Variants in MYH11 observed in about 807,000 individuals in gnomAD.
The protein encoded by MYH11 is myosin-11.
In MYH11, 80 loss-of-function variants were observed where a neutral mutation model predicts 246.6. That is an observed-to-expected ratio of 0.32 (90% CI 0.27 to 0.39). The LOEUF is 0.39. Among genes scored for constraint, MYH11 ranks in the 10% least tolerant of loss-of-function variants. The pLI is 1.00. For synonymous variants in MYH11, 1,071 were observed against 1,015.5 expected, an observed-to-expected ratio of 1.05 and a Z score of -1.04; for missense variants, 2,158 against 2,546.8, an observed-to-expected ratio of 0.85 and a Z score of 3.29.
intron 3 of MYH11, among the ~76,000 whole-genome samples, chr16:15,814,884 C>T (rs1169794897): frequency 6.6e-6 from 1 of 151,974 alleles, no homozygotes; most frequent in African/African-American, 2.4e-5. Flanking sequence ...CCTGGGGGGA[C>T]ACCAGGAACC....
intron 31 of MYH11, among the ~76,000 whole-genome samples, chr16:15,723,595 G>A (rs2040594957): frequency 6.6e-6 from 1 of 152,150 alleles, no homozygotes; most frequent in Non-Finnish European, 1.5e-5. Flanking sequence ...GCGGGGAGCT[G>A]AGATCACACC....
In MYH11 at chr16:15,764,401, T is replaced by C. The variant is rs191995045; in HGVS notation, c.1034-510A>G. On this transcript the variant is annotated intron_variant, in intron 9 of 40. Coordinates refer to ENST00000300036, the MANE Select transcript of MYH11 (RefSeq NM_002474.3). ...ACTCATGCCTGCGACCCCAGCACTT[T>C]GGGAGGCTGAGGTGGGAGAACTGCT... Among the ~76,000 whole-genome samples the C allele has an allele frequency of 2.6e-5, 4 of 151,962 alleles. No homozygotes were observed. The East Asian group carries it at 7.8e-4, about 29-fold the overall frequency.
rs1555546978 is a variant in MYH11 at position 15,703,925 on chromosome 16, G to T, written c.*66C>A. On this transcript the variant is annotated 3_prime_UTR_variant, in exon 41 of 41. Transcript: ENST00000300036. ...TTGCTTTGTTCTGGGTTGTTGTTGG[G>T]TTTTTTTTGTTTGTTTGTTTTGGTT... The T allele has an allele frequency of 1.9e-6, 3 of 1,606,348 alleles. No homozygotes were observed. The highest frequency in any genetic ancestry group is 1.7e-5 in the Admixed American group (1 of 59,886).
intron 3 of MYH11, among the ~76,000 whole-genome samples, chr16:15,799,904 A>G (rs769964040): frequency 2.8e-4 from 42 of 152,038 alleles, no homozygotes; most frequent in Non-Finnish European, 5.7e-4. Context: ...TGCTTGTTAG[A>G]TGGATGGATT....
chr16:15,829,445 C>T (rs927723928), intron 2 of MYH11, among the ~76,000 whole-genome samples: 5 of 152,182 alleles, frequency 3.3e-5, no homozygotes, highest in African/African-American at 1.2e-4. Flanking sequence ...GGCAGCCGCA[C>T]ATCTCACGGC....
intron 8 of MYH11, among the ~76,000 whole-genome samples, chr16:15,772,087 C>CTTTTT (rs35008322): frequency 1.8e-4 from 19 of 105,964 alleles, no homozygotes; most frequent in East Asian, 3.3e-4. Context: ...AACCTTTACT[C>CTTTTT]TTTTTTTTTT....
At chr16:15,763,741 T>TGGCC in intron 10 of MYH11, 55 bp downstream of exon 10, 3 of 646,862 alleles carry the variant, frequency 4.6e-6, no homozygotes, top group East Asian at 3.2e-5. Flanking sequence ...AAATGTCACC[T>TGGCC]CCCCCACCCC....
In MYH11 at chr16:15,732,563, CCCT is replaced by C; in HGVS notation, c.3649_3651del (p.Arg1217del). The C allele has an allele frequency of 6.2e-7, 1 of 1,614,208 alleles. No homozygotes were observed. The highest frequency in any genetic ancestry group is 8.5e-7 in the Non-Finnish European group (1 of 1,180,044). ...CAAAAAGCATCACCAAAAAGCATTACCCTCTTGAACTGCTCAAGCTGCTCTGTG... is the reference window on the plus strand; with the variant it reads ...CAAAAAGCATCACCAAAAAGCATTACCTTGAACTGCTCAAGCTGCTCTGTG... On this transcript the variant is annotated inframe_deletion and splice_region_variant, in exon 27 of 41. Coordinates refer to ENST00000300036, the MANE Select transcript of MYH11 (RefSeq NM_002474.3).
At chr16:15,783,650 G>C (rs1026536291) in intron 5 of MYH11, 3 of 152,146 alleles carry the variant, frequency 2.0e-5, no homozygotes, top group Admixed American at 2.0e-4. Flanking sequence ...GTGGGAAGAC[G>C]ACTAAAGGAA....
At chr16:15,788,798 A>ATGTGTGTGTGTGTG (rs58077308) in intron 4 of MYH11, among the ~76,000 whole-genome samples, 2 of 104,806 alleles carry the variant, frequency 1.9e-5, no homozygotes, top group Non-Finnish European at 4.4e-5. Flanking sequence ...ACCAGAATAT[A>ATGTGTGTGTGTGTG]TGTGTGTGTG....
chr16:15,742,040 A>T (rs1214957745), intron 20 of MYH11, 149 bp from the exon 21 acceptor site: 1 of 1,276,976 alleles, frequency 7.8e-7, no homozygotes, highest in Non-Finnish European at 1.1e-6. Flanking sequence ...GCTGATTGTC[A>T]CAGCTGGGGT....
At chr16:15,788,559 A>T (rs1346521142) in intron 4 of MYH11, among the ~76,000 whole-genome samples, 1 of 152,182 alleles carries the variant, frequency 6.6e-6, no homozygotes, top group Non-Finnish European at 1.5e-5. Context: ...GAGAAAGAAA[A>T]AAAAAGTGCC....
At chr16:15,775,018 C>G (rs2042187240) in intron 8 of MYH11, among the ~76,000 whole-genome samples, 1 of 152,156 alleles carries the variant, frequency 6.6e-6, no homozygotes, top group African/African-American at 2.4e-5. Context: ...TAACCTTGGG[C>G]CACAAAAGAG....
At chr16:15,853,215 G>A (rs1025868094) in intron 1 of MYH11, among the ~76,000 whole-genome samples, 1 of 151,916 alleles carries the variant, frequency 6.6e-6, no homozygotes, top group African/African-American at 2.4e-5. Flanking sequence ...ATGCAATCAG[G>A]GCCCACGGCA....
rs1427378000 is a variant in MYH11, at chr16:15,753,318, TGTGAGAGTCG to T, written c.1864+66_1864+75del. ...TAAAGGCCTCCCCTCCTGGGGCAGG[TGTGAGAGTCG>T]GGGGACTTGGGTGTTCAATTCTCCA... is the stretch of plus-strand genomic sequence containing the variant. On this transcript the variant is annotated intron_variant, in intron 15 of 40. Transcript: ENST00000300036. 5 of 1,293,418 alleles carry T rather than the reference TGTGAGAGTCG, an allele frequency of 3.9e-6. No individual in the cohort carries two copies. In the African/African-American group the frequency reaches 4.4e-5, roughly 11 times the overall value. 80.1% of individuals were successfully genotyped at this position (1,293,418 alleles called of 1,614,324 possible).
rs7184711 is a variant in MYH11 at position 15,754,112 on chromosome 16, G to A, written c.1750-604C>T. ...CACACCTGTAATGCCAGCTACTCGG[G>A]AGGCTGAGGCAGGAGAATCGCTTCA... On this transcript the variant is annotated intron_variant, in intron 14 of 40. Transcript: ENST00000300036. 2.6e-3 allele frequency among the ~76,000 whole-genome samples: 392 copies of A among 152,226 alleles called. 4 individuals are homozygous for A. The highest frequency in any genetic ancestry group is 9.0e-3 in the African/African-American group (375 of 41,554).
At chr16:15,773,128 A>C (rs1232092801) in intron 8 of MYH11, among the ~76,000 whole-genome samples, 4 of 149,418 alleles carry the variant, frequency 2.7e-5, no homozygotes, top group African/African-American at 9.8e-5. Flanking sequence ...CCTCAGTGCC[A>C]AAAGTAACAG....
At chr16:15,718,125 G>T in intron 37 of MYH11, 190 bp downstream of exon 37, 3 of 855,496 alleles carry the variant, frequency 3.5e-6, no homozygotes, top group Non-Finnish European at 3.7e-6. Flanking sequence ...GTGGAGAGGA[G>T]TATTCTGAAG....
rs761600497 is a variant in MYH11 at position 15,738,522 on chromosome 16, TAATAA to T, written c.3121+38_3121+42del. The T allele has an allele frequency of 1.1e-4, 169 of 1,558,370 alleles. 1 individual carries two copies. Among genetic ancestry groups the T allele is most frequent in the South Asian group, 2.4e-4 (20 of 84,938 alleles). On this transcript the variant is annotated intron_variant, in intron 24 of 40. Coordinates refer to ENST00000300036, the MANE Select transcript of MYH11 (RefSeq NM_002474.3). Reference sequence around the variant, plus strand: ...AGCAAGACCTCATCTCTAAAAAAAATAATAAAATAAAATAAAAATAAATCTCTTGG... The same window carrying T: ...AGCAAGACCTCATCTCTAAAAAAAATAATAAAATAAAAATAAATCTCTTGG...
Sources: gnomAD v4.1 joint callset for allele counts (sites outside exome capture counted in the v4.1 genomes callset) on GRCh38, gnomAD v4.1.1 for gene constraint, MANE v1.5 for transcripts, NCBI Gene and HGNC (gene_info 2026-07-23, HGNC 2026-07-21) for gene names.